The following EFCAB8 variants were observed in gnomAD, a reference collection of about 807,000 sequenced individuals.
EFCAB8 encodes EF-hand calcium-binding domain-containing protein 8.
In EFCAB8, 100 loss-of-function variants were observed where a neutral mutation model predicts 116.3. That is an observed-to-expected ratio of 0.86 (90% CI 0.73 to 1.02). The LOEUF is 1.02. Among genes scored for constraint, EFCAB8 ranks in the 50% least tolerant of loss-of-function variants. The pLI, the probability that EFCAB8 is intolerant of heterozygous loss-of-function variation, is 0.00. For missense variants in EFCAB8, 1,320 were observed against 1,416.9 expected (o/e 0.93, Z 1.10); for synonymous variants, 558 against 567.9 (o/e 0.98, Z 0.25).
intron 7 of EFCAB8, among the ~76,000 whole-genome samples, chr20:32,890,849 A>G (rs1985876310): frequency 6.6e-6 from 1 of 152,214 alleles, no homozygotes; most frequent in Admixed American, 6.5e-5. Flanking sequence ...CTCCAGGGTG[A>G]GTGTGGCTTA....
chr20:32,880,371 C>T lies in EFCAB8; in HGVS notation c.431+1564C>T, dbSNP rs143640532. ...GCAACCTCCGCCCCCCGGGTTCAAG[C>T]GATTCTCCCGCCTCAGCGTCCCAAG... On this transcript the variant is annotated intron_variant, in intron 5 of 26. Coordinates refer to ENST00000400522, the MANE Select transcript of EFCAB8 (RefSeq NM_001143967.2). Among the ~76,000 whole-genome samples, 4 of 151,948 alleles carry T rather than the reference C, an allele frequency of 2.6e-5. No individual in the cohort carries two copies. In the East Asian group the frequency reaches 5.8e-4, roughly 22 times the overall value.
intron 23 of EFCAB8, among the ~76,000 whole-genome samples, chr20:32,945,581 A>G (rs577074547): frequency 6.6e-6 from 1 of 152,364 alleles, no homozygotes; most frequent in Admixed American, 6.5e-5. Flanking sequence ...CAAATAATTA[A>G]TATACCTCAA....
At chr20:32,911,767 C>T in intron 16 of EFCAB8, 60 bp downstream of exon 16, 1 of 1,491,170 alleles carries the variant, frequency 6.7e-7, no homozygotes, top group Admixed American at 2.0e-5. Flanking sequence ...AGCACAGCTC[C>T]TTTGACCCTG....
intron 20 of EFCAB8, among the ~76,000 whole-genome samples, chr20:32,922,111 T>G (rs895985761): frequency 2.0e-5 from 3 of 152,122 alleles, no homozygotes; most frequent in Non-Finnish European, 4.4e-5. Flanking sequence ...TTACAGGCAT[T>G]AGCCACCACA....
chr20:32,928,278 C>T (rs370130900), intron 20 of EFCAB8, among the ~76,000 whole-genome samples: 2 of 151,874 alleles, frequency 1.3e-5, no homozygotes, highest in African/African-American at 4.8e-5. Flanking sequence ...CTCTGTCGCC[C>T]AGGCTGGAGT....
chr20:32,868,388 T>C (rs1984528287), intron 3 of EFCAB8, among the ~76,000 whole-genome samples: 1 of 152,166 alleles, frequency 6.6e-6, no homozygotes, highest in African/African-American at 2.4e-5. Flanking sequence ...GCATCTAGTG[T>C]CTCCTGTAAA....
chr20:32,899,470 A>G (rs1986327862), intron 11 of EFCAB8, among the ~76,000 whole-genome samples: 1 of 152,026 alleles, frequency 6.6e-6, no homozygotes, highest in Admixed American at 6.5e-5. Context: ...TTGTCCATGT[A>G]AAAAATGAAA....
intron 4 of EFCAB8, among the ~76,000 whole-genome samples, chr20:32,877,157 A>G (rs1374232390): frequency 6.7e-6 from 1 of 150,304 alleles, no homozygotes; most frequent in Non-Finnish European, 1.5e-5. Context: ...GCATAGGTAT[A>G]CATTCTGGGT....
In EFCAB8 at chr20:32,920,049, G is replaced by C. The variant is rs143956878; in HGVS notation, c.2275-29G>C. The stretch of plus-strand genomic sequence containing the variant: ...TATGGGGAAGGGAAACACCCTCATG[G>C]TGACTTGGGTGCCCATCTTTCTTTC... On this transcript the variant is annotated intron_variant, in intron 19 of 26. Coordinates refer to ENST00000400522, the MANE Select transcript of EFCAB8 (RefSeq NM_001143967.2). 388 of 1,551,676 alleles carry C rather than the reference G, an allele frequency of 2.5e-4. 2 individuals are homozygous for C. Among genetic ancestry groups the C allele is most frequent in the South Asian group, 3.5e-4 (29 of 84,052 alleles).
rs925472606 is a variant in EFCAB8, at chr20:32,896,437, G to GTT, written c.884-12_884-11dup. On this transcript the variant is annotated splice_polypyrimidine_tract_variant and intron_variant, in intron 9 of 26. Coordinates refer to ENST00000400522, the MANE Select transcript of EFCAB8 (RefSeq NM_001143967.2). The stretch of plus-strand genomic sequence containing the variant: ...GGGAAAGCTGCTGATGTGGACCTTG[G>GTT]TTTTTTCCCCTATCAGATCACTGGA... 10 of 718,406 alleles carry GTT rather than the reference G, an allele frequency of 1.4e-5. No homozygotes were observed. Among genetic ancestry groups the GTT allele is most frequent in the Non-Finnish European group, 2.3e-5 (9 of 385,128 alleles). 44.5% of individuals were successfully genotyped at this position (718,406 alleles called of 1,614,324 possible). A position where few individuals can be genotyped will look rare whatever the true frequency, so the allele number is the denominator to read the frequency against.
chr20:32,950,992 C>G (rs746271902), intron 23 of EFCAB8, among the ~76,000 whole-genome samples: 1 of 152,068 alleles, frequency 6.6e-6, no homozygotes, highest in Non-Finnish European at 1.5e-5. Flanking sequence ...GAAAACAATG[C>G]GCAATATTTA....
In EFCAB8 at chr20:32,878,709, G is replaced by A. The variant is rs1201906499; in HGVS notation, c.333G>A (p.Lys111=). The A allele has an allele frequency of 2.6e-6, 4 of 1,551,592 alleles. No homozygotes were observed. The East Asian group carries it at 9.8e-5, about 38-fold the overall frequency. ...TGTGCTTTCTTTCGAGGCAGCAAAA[G>A]TATGTGGATTACATGATGCGTGAGT... is the stretch of plus-strand genomic sequence containing the variant. The part of the protein sequence containing the change: ...SDCEGFVTWQ[K]YVDYMMREFQ... The change falls in exon 5 of 27, where the codon AAG becomes AAA. Residue 111 remains lysine, a synonymous_variant. Coordinates refer to ENST00000400522, the MANE Select transcript of EFCAB8 (RefSeq NM_001143967.2).
At chr20:32,911,894 C>T (rs1156790244) in intron 16 of EFCAB8, among the ~76,000 whole-genome samples, 187 bp downstream of exon 16, 2 of 152,134 alleles carry the variant, frequency 1.3e-5, no homozygotes, top group African/African-American at 4.8e-5. Context: ...GGTAACAGTG[C>T]CTGGACTAAT....
intron 21 of EFCAB8, among the ~76,000 whole-genome samples, chr20:32,930,951 T>C (rs6120045): frequency 6.6e-6 from 1 of 152,004 alleles, no homozygotes; most frequent in African/African-American, 2.4e-5. Flanking sequence ...GGCAGGGGTG[T>C]GCTGTCCTTG....
At chr20:32,896,367 A>T in intron 9 of EFCAB8, 87 bp from the exon 10 acceptor site, 1 of 684,756 alleles carries the variant, frequency 1.5e-6, no homozygotes, top group Middle Eastern at 2.6e-4. Context: ...AGGAGTTGCA[A>T]GCCAACTCAA....
In EFCAB8 at chr20:32,870,967, G is replaced by A. The variant is rs6058922; in HGVS notation, c.208+3220G>A. Among the ~76,000 whole-genome samples, 833 of 150,832 alleles carry A rather than the reference G, an allele frequency of 5.5e-3. 8 individuals carry two copies. The highest frequency in any genetic ancestry group is 0.02 in the African/African-American group (798 of 40,870). ...TCTGCCTCCCAGGTTCAAGTGATTC[G>A]CCTGTCTCAGCCTCCCGAGTAGCTG... On this transcript the variant is annotated intron_variant, in intron 3 of 26. Transcript: ENST00000400522.
chr20:32,897,156 C>CA (rs1986198906), intron 10 of EFCAB8, among the ~76,000 whole-genome samples: 1 of 152,138 alleles, frequency 6.6e-6, no homozygotes, highest in Admixed American at 6.5e-5. Flanking sequence ...CCTGTGGTCC[C>CA]AAGCAGCCCT....
At chr20:32,959,483 G>C (rs950473008) in intron 24 of EFCAB8, among the ~76,000 whole-genome samples, 2 of 152,194 alleles carry the variant, frequency 1.3e-5, no homozygotes, top group African/African-American at 4.8e-5. Context: ...GGGCAGACAT[G>C]TTTAAATAGT....
chr20:32,939,260 TTCTC>T lies in EFCAB8; in HGVS notation c.2791-4363_2791-4360del, dbSNP rs536679382. On this transcript the variant is annotated intron_variant, in intron 22 of 26. Coordinates refer to ENST00000400522, the MANE Select transcript of EFCAB8 (RefSeq NM_001143967.2). ...CCTCCCTGCCTTCCTTCCTTCCATATTCTCTCTCTCTCTCTCCTTTTTTTTTTTG... is the reference window on the plus strand; with the variant it reads ...CCTCCCTGCCTTCCTTCCTTCCATATTCTCTCTCTCTCCTTTTTTTTTTTG... Among the ~76,000 whole-genome samples the T allele has an allele frequency of 2.1e-4, 27 of 129,556 alleles. 1 individual carries two copies. The South Asian group carries it at 6.5e-3, about 31-fold the overall frequency. 85.0% of individuals were successfully genotyped at this position (129,556 alleles called of 152,430 possible).
Sources: allele counts gnomAD v4.1 joint callset (sites outside exome capture counted in the v4.1 genomes callset), GRCh38; gene constraint gnomAD v4.1.1; transcripts MANE v1.5; gene names NCBI Gene and HGNC (gene_info 2026-07-23, HGNC 2026-07-21).